Variants in BSN observed in about 807,000 individuals in gnomAD.
BSN encodes the protein bassoon presynaptic cytomatrix protein.
In BSN, 57 loss-of-function variants were observed where a neutral mutation model predicts 264.8. The ratio of observed to expected loss-of-function variants is 0.22; its 90% CI spans 0.17 to 0.27. The LOEUF (loss-of-function observed/expected upper bound fraction) is 0.27. Among genes scored for constraint, BSN ranks in the 10% least tolerant of loss-of-function variants. The pLI is 1.00. For synonymous variants in BSN, 2,059 were observed against 2,137.3 expected, an observed-to-expected ratio of 0.96 and a Z score of 1.01; for missense variants, 4,615 against 5,232.5, an observed-to-expected ratio of 0.88 and a Z score of 3.64.
rs1247956720 is a variant in BSN at position 49,651,234 on chromosome 3, G to A, written c.1986+155G>A. On this transcript the variant is annotated intron_variant, in intron 4 of 11. Coordinates refer to ENST00000296452, the MANE Select transcript of BSN (RefSeq NM_003458.4). The surrounding 1 kb of genome is among the most constrained non-coding windows in gnomAD (Gnocchi z 5.4). Reference sequence around the variant, plus strand: ...CACAGTAGAAGGAAAGTCTAGATGAGGTTCTGGCACGCTTGGAGACTGTGG... The same window carrying A: ...CACAGTAGAAGGAAAGTCTAGATGAAGTTCTGGCACGCTTGGAGACTGTGG... 5.2e-6 allele frequency: 4 copies of A among 764,260 alleles called. No individual in the cohort carries two copies. The highest frequency in any genetic ancestry group is 8.1e-6 in the Non-Finnish European group (4 of 493,260). 47.3% of individuals were successfully genotyped at this position (764,260 alleles called of 1,614,324 possible).
At chr3:49,593,848 G>C (rs2108026557) in intron 1 of BSN, among the ~76,000 whole-genome samples, 1 of 148,174 alleles carries the variant, frequency 6.7e-6, no homozygotes, top group East Asian at 2.0e-4. Flanking sequence ...TATCGCCCAG[G>C]CTGGAGTGCG....
In BSN at chr3:49,656,813, G is replaced by A; in HGVS notation, c.7257G>A (p.Leu2419=). The A allele has an allele frequency of 6.3e-7, 1 of 1,595,258 alleles. No individual in the cohort carries two copies. The highest frequency in any genetic ancestry group is 1.8e-5 in the Admixed American group (1 of 56,482). Residue 2419 remains leucine (L), a synonymous_variant, in exon 5 of 12, where the codon CTG becomes CTA. Coordinates refer to ENST00000296452, the MANE Select transcript of BSN (RefSeq NM_003458.4). The part of the protein sequence containing the change: ...QLLVQRELQE[L]QTIKHHVLQQ... Reference sequence around the variant, plus strand: ...TGGTGCAGCGGGAGTTGCAGGAGCTGCAGACCATCAAGCACCATGTGCTGC... The same window carrying A: ...TGGTGCAGCGGGAGTTGCAGGAGCTACAGACCATCAAGCACCATGTGCTGC...
Position 49,654,774 on chromosome 3 carries a change from G to A in BSN, c.5218G>A (p.Val1740Met). 6.2e-7 allele frequency: 1 copy of A among 1,613,644 alleles called. No individual in the cohort carries two copies. Among genetic ancestry groups the A allele is most frequent in the Non-Finnish European group, 8.5e-7 (1 of 1,179,974 alleles). Residue 1740 changes from valine to methionine, a missense_variant, in exon 5 of 12, where the codon GTG becomes ATG. By Grantham distance (21) the Val-to-Met change is conservative. Transcript: ENST00000296452. The surrounding 1 kb of genome is among the most constrained non-coding windows in gnomAD (Gnocchi z 4.1). Reference protein sequence around the residue: ...TTVSITMASSVFMAQQKQPVV... With the variant: ...TTVSITMASSMFMAQQKQPVV... ...CGTGAGCATCACCATGGCCTCGTCT[G>A]TGTTCATGGCTCAACAAAAGCAGCC...
At chr3:49,606,229 T>A (rs1290671790) in intron 1 of BSN, among the ~76,000 whole-genome samples, 20 of 87,946 alleles carry the variant, frequency 2.3e-4, no homozygotes, top group African/African-American at 3.3e-4. Context: ...TATATATACA[T>A]ATATTATATA....
At chr3:49,619,752 C>T (rs904059233) in intron 1 of BSN, among the ~76,000 whole-genome samples, 4 of 152,138 alleles carry the variant, frequency 2.6e-5, no homozygotes, top group Non-Finnish European at 4.4e-5. Context: ...TCCTGAAGTT[C>T]TCTCCTGCAT....
rs149574068 is a variant in BSN at position 49,660,619 on chromosome 3, G to A, written c.8774G>A (p.Arg2925Gln). The part of the protein sequence containing the change: ...PQLYAASLLQ[R>Q]GLTGPTTVPA... ...CTGTATGCAGCCAGCCTGCTGCAGC[G>A]AGGGCTGACGGGGCCCACCACTGTC... Residue 2925 changes from arginine (R) to glutamine (Q), a missense_variant, in exon 6 of 12, where the codon CGA (arginine) becomes CAA (glutamine). This residue lies in a region of BSN where 3,415 missense variants were observed against 3,866.4 expected (regional missense o/e 0.88). Transcript: ENST00000296452. The surrounding 1 kb of genome is among the most constrained non-coding windows in gnomAD (Gnocchi z 7.1). The A allele has an allele frequency of 2.5e-6, 4 of 1,612,950 alleles. No homozygotes were observed. The highest frequency in any genetic ancestry group is 3.4e-6 in the Non-Finnish European group (4 of 1,179,872).
rs1175335564 is a variant in BSN at position 49,638,037 on chromosome 3, C to T, written c.634-4231C>T. On this transcript the variant is annotated intron_variant, in intron 2 of 11. Transcript: ENST00000296452. The surrounding 1 kb of genome is among the most constrained non-coding windows in gnomAD (Gnocchi z 4.3). ...CACGAGGCTCGTGGCTGGTAGCCTG[C>T]ACATCTCCTGCCCATGTGCCAGATC... Among the ~76,000 whole-genome samples, 1 of 152,238 alleles carries T rather than the reference C, an allele frequency of 6.6e-6. No individual in the cohort carries two copies. The highest frequency in any genetic ancestry group is 1.5e-5 in the Non-Finnish European group (1 of 68,044).
chr3:49,591,836 A>C (rs898733150), intron 1 of BSN, among the ~76,000 whole-genome samples: 1 of 152,050 alleles, frequency 6.6e-6, no homozygotes, highest in Non-Finnish European at 1.5e-5. Flanking sequence ...CCATCCACCC[A>C]CCTTGGCCTC....
rs1229554873 is a variant in BSN, at chr3:49,642,550, C to T, written c.916C>T (p.Pro306Ser). The T allele has an allele frequency of 6.3e-7, 1 of 1,597,582 alleles. No homozygotes were observed. The highest frequency in any genetic ancestry group is 2.2e-5 in the East Asian group (1 of 44,576). The change falls in exon 3 of 12, where the codon CCC (proline) becomes TCC (serine). Residue 306 changes from proline (P) to serine (S), a missense_variant. Pro to Ser is a moderately conservative substitution (Grantham distance 74). This residue lies in a region of BSN where 1,197 missense variants were observed against 1,348.0 expected (regional missense o/e 0.89). Coordinates refer to ENST00000296452, the MANE Select transcript of BSN (RefSeq NM_003458.4). The surrounding 1 kb of genome is among the most constrained non-coding windows in gnomAD (Gnocchi z 7.0). Reference sequence around the variant, plus strand: ...AGAGGTGGGGAGGGTGTCTCCTCAGCCCCCTCAACCCACCAAGCCTTCCAC... The same window carrying T: ...AGAGGTGGGGAGGGTGTCTCCTCAGTCCCCTCAACCCACCAAGCCTTCCAC... ...PPEVGRVSPQ[P>S]PQPTKPSTAE...
At chr3:49,587,612 G>C (rs2051946039) in intron 1 of BSN, among the ~76,000 whole-genome samples, 1 of 152,214 alleles carries the variant, frequency 6.6e-6, no homozygotes, top group Non-Finnish European at 1.5e-5. Context: ...CAAGAGTGCT[G>C]CTTACACAAT....
In BSN at chr3:49,651,805, C is replaced by T. The variant is rs1390342630; in HGVS notation, c.2249C>T (p.Ser750Phe). The T allele has an allele frequency of 4.3e-6, 7 of 1,613,790 alleles. No individual in the cohort carries two copies. Among genetic ancestry groups the T allele is most frequent in the Non-Finnish European group, 5.1e-6 (6 of 1,180,028 alleles). Residue 750 changes from serine to phenylalanine, a missense_variant, in exon 5 of 12, where the codon TCC becomes TTC. Coordinates refer to ENST00000296452, the MANE Select transcript of BSN (RefSeq NM_003458.4). The surrounding 1 kb of genome is among the most constrained non-coding windows in gnomAD (Gnocchi z 5.4). ...CCAAGTGAGCGGAGCAAGCCACTCT[C>T]CAGCGGTACTGGCGAGGAGCAGAAG... The part of the protein sequence containing the change: ...LAPSERSKPL[S>F]SGTGEEQKQR...
chr3:49,662,086 A>T lies in BSN; in HGVS notation c.10241A>T (p.Lys3414Met). The T allele has an allele frequency of 6.2e-7, 1 of 1,613,600 alleles. No individual in the cohort carries two copies. The highest frequency in any genetic ancestry group is 8.5e-7 in the Non-Finnish European group (1 of 1,180,046). ...GATGAAATCACCTATGGGCTCAAGA[A>T]GAACGTGTATGAGCAGCAAAAATAC... The part of the protein sequence containing the change: ...FQDEITYGLK[K>M]NVYEQQKYYG... Residue 3414 changes from lysine to methionine, a missense_variant, in exon 6 of 12, where the codon AAG becomes ATG. Transcript: ENST00000296452.
At chr3:49,574,792 A>AC (rs1458189011) in intron 1 of BSN, among the ~76,000 whole-genome samples, 1 of 151,654 alleles carries the variant, frequency 6.6e-6, no homozygotes, top group Admixed American at 6.6e-5. Flanking sequence ...CACCATGCTC[A>AC]GCTAATTTTT....
In BSN at chr3:49,653,716, C is replaced by T. The variant is rs765108997; in HGVS notation, c.4160C>T (p.Ala1387Val). The T allele has an allele frequency of 8.1e-6, 13 of 1,614,000 alleles. No homozygotes were observed. The highest frequency in any genetic ancestry group is 1.1e-5 in the Non-Finnish European group (13 of 1,179,966). ...GGGACCCCAGCCACCACAGCTGTGG[C>T]TCCTTGTCCAGCTGGGCTGCCACGA... ...GPGTPATTAV[A>V]PCPAGLPRGY... Residue 1387 changes from alanine to valine, a missense_variant, in exon 5 of 12, where the codon GCT (alanine) becomes GTT (valine). Ala to Val is a moderately conservative substitution (Grantham distance 64, BLOSUM62 0). This residue lies in a region of BSN where 3,415 missense variants were observed against 3,866.4 expected (regional missense o/e 0.88). Coordinates refer to ENST00000296452, the MANE Select transcript of BSN (RefSeq NM_003458.4). The surrounding 1 kb of genome is among the most constrained non-coding windows in gnomAD (Gnocchi z 6.3).
rs1164014258 is a variant in BSN, at chr3:49,606,211, G to A, written c.225-18764G>A. On this transcript the variant is annotated intron_variant, in intron 1 of 11. Coordinates refer to ENST00000296452, the MANE Select transcript of BSN (RefSeq NM_003458.4). The stretch of plus-strand genomic sequence containing the variant: ...TATTATATATACATATATTATATAT[G>A]TATATATTATATATACATATATTAT... Among the ~76,000 whole-genome samples, 108 of 11,802 alleles carry A rather than the reference G, an allele frequency of 9.2e-3. 2 individuals are homozygous for A. Among genetic ancestry groups the A allele is most frequent in the African/African-American group, 0.027 (66 of 2,482 alleles). 7.7% of individuals were successfully genotyped at this position (11,802 alleles called of 152,430 possible).
rs762971732 is a variant in BSN at position 49,653,269 on chromosome 3, G to T, written c.3713G>T (p.Gly1238Val). The T allele has an allele frequency of 6.2e-7, 1 of 1,612,026 alleles. No individual in the cohort carries two copies. The highest frequency in any genetic ancestry group is 8.5e-7 in the Non-Finnish European group (1 of 1,179,812). The change falls in exon 5 of 12, where the codon GGC becomes GTC. Residue 1238 changes from glycine (G) to valine (V), a missense_variant. Coordinates refer to ENST00000296452, the MANE Select transcript of BSN (RefSeq NM_003458.4). The surrounding 1 kb of genome is among the most constrained non-coding windows in gnomAD (Gnocchi z 6.3). ...CAAGACACTACAGACCGTGAGTATG[G>T]CCAGGCTGCTCAGCCTGCCGCAGAG... Reference protein sequence around the residue: ...EYQDTTDREYGQAAQPAAEGT... With the variant: ...EYQDTTDREYVQAAQPAAEGT...
At chr3:49,623,941 T>C (rs2052322347) in intron 1 of BSN, among the ~76,000 whole-genome samples, 1 of 152,250 alleles carries the variant, frequency 6.6e-6, no homozygotes, top group African/African-American at 2.4e-5. Context: ...TAGATTTTTA[T>C]GTAATTCGAC....
In BSN at chr3:49,656,882, G is replaced by C. The variant is rs1358993760; in HGVS notation, c.7326G>C (p.Arg2442=). Residue 2442 remains arginine (R), a synonymous_variant, in exon 5 of 12, where the codon CGG becomes CGC. Transcript: ENST00000296452. ...EERQAQFALQ[R]EQLAQQRLQL... is the part of the protein sequence containing the mutation. ...GCCAGGCTCAATTTGCACTGCAGCG[G>C]GAACAGCTAGCGCAGCAGCGTCTGC... The C allele has an allele frequency of 6.2e-7, 1 of 1,601,506 alleles. No homozygotes were observed. Among genetic ancestry groups the C allele is most frequent in the South Asian group, 1.1e-5 (1 of 89,630 alleles).
At position 49,650,819 on chromosome 3, in the gene BSN, T is replaced by C. The variant is rs778638069; in HGVS notation, c.1726T>C (p.Ser576Pro). ...GPLPAKASPL[S>P]TKASPLPSKA... The stretch of plus-strand genomic sequence containing the variant: ...CCTGCCTGCCAAGGCCAGCCCTCTA[T>C]CCACCAAGGCCAGCCCTCTGCCCAG... Residue 576 changes from serine to proline, a missense_variant, in exon 4 of 12, where the codon TCC becomes CCC. Coordinates refer to ENST00000296452, the MANE Select transcript of BSN (RefSeq NM_003458.4). The C allele has an allele frequency of 1.1e-5, 17 of 1,613,914 alleles. No homozygotes were observed. In the East Asian group the frequency reaches 3.8e-4, roughly 36 times the overall value.
Sources: allele counts gnomAD v4.1 joint callset (sites outside exome capture counted in the v4.1 genomes callset), GRCh38; gene constraint gnomAD v4.1.1; regional missense constraint gnomAD v4.1.1; non-coding constraint Gnocchi (gnomAD v3.1); transcripts MANE v1.5; gene names NCBI Gene and HGNC (gene_info 2026-07-23, HGNC 2026-07-21).